The following PTGS2 variants were observed in gnomAD, a reference collection of about 807,000 sequenced individuals.
The protein encoded by PTGS2 is prostaglandin-endoperoxide synthase 2, also known as prostaglandin G/H synthase 2.
Under a neutral mutation model 63.8 loss-of-function variants are expected in PTGS2, and 14 were observed. That is an observed-to-expected ratio of 0.22 (90% CI 0.14 to 0.34). The LOEUF is 0.34. PTGS2 is among the 10% of genes least tolerant of loss of function. The pLI, the probability that PTGS2 is intolerant of heterozygous loss-of-function variation, is 1.00. For synonymous variants in PTGS2, 271 were observed against 259.5 expected (o/e 1.04, Z -0.43); for missense variants, 533 against 738.5 (o/e 0.72, Z 3.23).
At chr1:186,679,474 G>C in intron 1 of PTGS2, 36 bp from the exon 2 acceptor site, 1 of 1,425,974 alleles carries the variant, frequency 7.0e-7, no homozygotes. Context: ...TCATTCTCTA[G>C]TGTCTTAATC....
At chr1:186,680,133 A>T (rs927492490) in intron 1 of PTGS2, 106 bp downstream of exon 1, 23 of 1,485,670 alleles carry the variant, frequency 1.5e-5, no homozygotes, top group Non-Finnish European at 2.0e-5. Context: ...TAGCTTCTCT[A>T]TTCGGAGAGA....
Position 186,674,489 on chromosome 1 carries a change from C to T in PTGS2, c.1679G>A (p.Gly560Asp). Residue 560 changes from glycine to aspartate, a missense_variant, in exon 10 of 10, where the codon GGC (glycine) becomes GAC (aspartate). By Grantham distance (94) the Gly-to-Asp change is moderately conservative (BLOSUM62 -1). Transcript: ENST00000367468. ...AACACTGAATGAAGTAAAGGGACAG[C>T]CCTTCACGTTATTGCAGATGAGAGA... ...IQSLICNNVK[G>D]CPFTSFSVPD... The T allele has an allele frequency of 6.2e-7, 1 of 1,614,130 alleles. No homozygotes were observed. The highest frequency in any genetic ancestry group is 8.5e-7 in the Non-Finnish European group (1 of 1,180,042).
At chr1:186,678,657 A>AG (rs1665823660) in intron 3 of PTGS2, among the ~76,000 whole-genome samples, 4 of 152,228 alleles carry the variant, frequency 2.6e-5, no homozygotes, top group Non-Finnish European at 5.9e-5. Flanking sequence ...CTCACTATCC[A>AG]AGAGGCCTAT....
In PTGS2 at chr1:186,672,558, C is replaced by T. The variant is rs202243625; in HGVS notation, c.*1795G>A. The T allele has an allele frequency of 2.6e-5, 4 of 152,356 alleles. No individual in the cohort carries two copies. Among genetic ancestry groups the T allele is most frequent in the Non-Finnish European group, 5.9e-5 (4 of 67,950 alleles). The allele number at this position is 152,356 out of a possible 1,614,324, so 9.4% of individuals were successfully genotyped here. ...TGTAGGCTTAAACACAGTTTATAAC[C>T]ATAGTGTCCTAATAAGACATAAATA... On this transcript the variant is annotated 3_prime_UTR_variant, in exon 10 of 10. Transcript: ENST00000367468.
rs1391277420 is a variant in PTGS2, at chr1:186,679,199, C to T, written c.172G>A (p.Glu58Lys). Residue 58 changes from glutamate to lysine, a missense_variant and splice_region_variant, in exon 3 of 10, where the codon GAA becomes AAA. This residue lies in a region of PTGS2 where 118 missense variants were observed against 144.6 expected (regional missense o/e 0.82). Coordinates refer to ENST00000367468, the MANE Select transcript of PTGS2 (RefSeq NM_000963.4). ...AATAATTTTATTCTTGTCAAAAATT[C>T]CGCTGCAAGAAGACGAAGAAAGGGA... ...GFYGENCSTP[E>K]FLTRIKLFLK... 6.2e-7 allele frequency: 1 copy of T among 1,613,108 alleles called. No homozygotes were observed. The highest frequency in any genetic ancestry group is 2.2e-5 in the East Asian group (1 of 44,858).
rs1272059398 is a variant in PTGS2 at position 186,672,145 on chromosome 1, T to G, written c.*2208A>C. On this transcript the variant is annotated 3_prime_UTR_variant, in exon 10 of 10. Transcript: ENST00000367468. ...TTCTCCCTCTTCCCAAAAGAAAATT[T>G]TTTTCAATTATTTATATAAATACTA... 1 of 152,084 alleles carries G rather than the reference T, an allele frequency of 6.6e-6. No homozygotes were observed. The highest frequency in any genetic ancestry group is 1.5e-5 in the Non-Finnish European group (1 of 67,976). The allele number at this position is 152,084 out of a possible 1,614,324, so 9.4% of individuals were successfully genotyped here. A position where few individuals can be genotyped will look rare whatever the true frequency, so the allele number is the denominator to read the frequency against.
intron 7 of PTGS2, 38 bp downstream of exon 7, chr1:186,676,428 TG>T (rs1558248384): frequency 6.3e-7 from 1 of 1,598,322 alleles, no homozygotes; most frequent in Non-Finnish European, 8.5e-7. Context: ...TAATTTTCCC[TG>T]GGGAAGAGGG....
Position 186,675,772 on chromosome 1 carries a change from T to C in PTGS2, c.1257+126A>G, listed in dbSNP as rs975558497. The C allele has an allele frequency of 1.0e-5, 11 of 1,048,038 alleles. No homozygotes were observed. In the African/African-American group the frequency reaches 1.8e-4, roughly 17 times the overall value. 64.9% of individuals were successfully genotyped at this position (1,048,038 alleles called of 1,614,324 possible). On this transcript the variant is annotated intron_variant, in intron 8 of 9. Coordinates refer to ENST00000367468, the MANE Select transcript of PTGS2 (RefSeq NM_000963.4). ...AACAAAGTTAGGCTTCTTATATCAA[T>C]AAAATAATTTTACTAGCAATATAAC...
In PTGS2 at chr1:186,679,368, C is replaced by G; in HGVS notation, c.123G>C (p.Lys41Asn). 6.2e-7 allele frequency: 1 copy of G among 1,614,156 alleles called. No individual in the cohort carries two copies. Among genetic ancestry groups the G allele is most frequent in the Non-Finnish European group, 8.5e-7 (1 of 1,180,028 alleles). The change falls in exon 2 of 10, where the codon AAG (lysine) becomes AAC (asparagine). Residue 41 changes from lysine (K) to asparagine (N), a missense_variant. This residue lies in a region of PTGS2 where 118 missense variants were observed against 144.6 expected (regional missense o/e 0.82). Coordinates refer to ENST00000367468, the MANE Select transcript of PTGS2 (RefSeq NM_000963.4). ...VCMSVGFDQY[K>N]CDCTRTGFYG... ...AGAATCCTGTCCGGGTACAATCGCA[C>G]TTATACTGGTCAAATCCCACACTCA... is the stretch of plus-strand genomic sequence containing the variant.
At chr1:186,679,935 A>G (rs1008740870) in intron 1 of PTGS2, among the ~76,000 whole-genome samples, 1 of 152,240 alleles carries the variant, frequency 6.6e-6, no homozygotes, top group Non-Finnish European at 1.5e-5. Flanking sequence ...CAATTCACAT[A>G]TATTGATCAG....
chr1:186,679,368 C>T lies in PTGS2; in HGVS notation c.123G>A (p.Lys41=). Residue 41 remains lysine (K), a synonymous_variant, in exon 2 of 10, where the codon AAG becomes AAA. Coordinates refer to ENST00000367468, the MANE Select transcript of PTGS2 (RefSeq NM_000963.4). ...AGAATCCTGTCCGGGTACAATCGCA[C>T]TTATACTGGTCAAATCCCACACTCA... The part of the protein sequence containing the change: ...VCMSVGFDQY[K]CDCTRTGFYG... 1 of 1,614,156 alleles carries T rather than the reference C, an allele frequency of 6.2e-7. No individual in the cohort carries two copies. Among genetic ancestry groups the T allele is most frequent in the African/African-American group, 1.3e-5 (1 of 75,042 alleles).
chr1:186,677,009 C>G, intron 5 of PTGS2, 93 bp from the exon 6 acceptor site: 2 of 931,752 alleles, frequency 2.1e-6, no homozygotes, highest in Non-Finnish European at 3.3e-6. Flanking sequence ...ATAATTTGAT[C>G]ATTTAGCTTT....
intron 8 of PTGS2, 163 bp from the exon 9 acceptor site, chr1:186,675,559 A>C (rs1665765402): frequency 3.6e-6 from 3 of 830,932 alleles, no homozygotes; most frequent in Admixed American, 6.6e-5. Flanking sequence ...AGCTCTGCTT[A>C]AAATTCAATG....
At chr1:186,678,535 T>A (rs2102007142) in intron 3 of PTGS2, 131 bp from the exon 4 acceptor site, 1 of 808,072 alleles carries the variant, frequency 1.2e-6, no homozygotes, top group East Asian at 2.8e-5. Flanking sequence ...AAAATCTATT[T>A]TTAAACAACT....
In PTGS2 at chr1:186,675,360, T is replaced by C. The variant is rs760785915; in HGVS notation, c.1294A>G (p.Lys432Glu). ...TGGTCAATGGAAGCCTGTGATACTTTCTGTACTGCGGGTGGAACATTCCTA... is the reference window on the plus strand; with the variant it reads ...TGGTCAATGGAAGCCTGTGATACTTCCTGTACTGCGGGTGGAACATTCCTA... ...GGRNVPPAVQKVSQASIDQSR... is the reference protein window; with the variant it reads ...GGRNVPPAVQEVSQASIDQSR... The change falls in exon 9 of 10, where the codon AAA becomes GAA. Residue 432 changes from lysine (K) to glutamate (E), a missense_variant. By Grantham distance (56) the Lys-to-Glu change is moderately conservative. This residue lies in a region of PTGS2 where 219 missense variants were observed against 267.4 expected (regional missense o/e 0.82). Transcript: ENST00000367468. The C allele has an allele frequency of 6.2e-7, 1 of 1,614,062 alleles. No homozygotes were observed. The highest frequency in any genetic ancestry group is 1.1e-5 in the South Asian group (1 of 91,044).
chr1:186,677,626 C>CT, intron 5 of PTGS2, 23 bp downstream of exon 5: 2 of 1,569,796 alleles, frequency 1.3e-6, no homozygotes, highest in Non-Finnish European at 8.6e-7. Flanking sequence ...TTTACTAACT[C>CT]TAAGATATTA....
chr1:186,679,223 G>A (rs20427), intron 2 of PTGS2, 22 bp from the exon 3 acceptor site: 2 of 1,612,972 alleles, frequency 1.2e-6, no homozygotes, highest in Non-Finnish European at 1.7e-6. Flanking sequence ...CGAAGAAAGG[G>A]AGGGAGAAAT....
chr1:186,675,801 C>CTACT, intron 8 of PTGS2, 97 bp downstream of exon 8: 1 of 1,231,808 alleles, frequency 8.1e-7, no homozygotes, highest in South Asian at 1.6e-5. Flanking sequence ...ATATAACTAA[C>CTACT]TACTCTTTTA....
intron 8 of PTGS2, chr1:186,675,609 A>G (rs1222141206): frequency 1.6e-6 from 1 of 640,956 alleles, no homozygotes; most frequent in Non-Finnish European, 2.6e-6. Flanking sequence ...TTACATTTCA[A>G]AAATAACACT....
Sources: allele counts gnomAD v4.1 joint callset (sites outside exome capture counted in the v4.1 genomes callset), GRCh38; gene constraint gnomAD v4.1.1; regional missense constraint gnomAD v4.1.1; transcripts MANE v1.5; gene names NCBI Gene and HGNC (gene_info 2026-07-23, HGNC 2026-07-21).